RTTN: variants seen among roughly 807,000 people sequenced by gnomAD.
The protein encoded by RTTN is rotatin.
Under a neutral mutation model 269.2 loss-of-function variants are expected in RTTN, and 182 were observed. The ratio of observed to expected loss-of-function variants is 0.68; its 90% confidence interval spans 0.60 to 0.76. The LOEUF is 0.76. RTTN is among the 30% of genes least tolerant of loss of function. The probability of loss-of-function intolerance (pLI) is 0.00; values close to 1 mark genes in which losing one functional copy is unlikely to be tolerated. For missense variants in RTTN, 2,545 were observed against 2,608.6 expected (o/e 0.98, Z 0.53); for synonymous variants, 1,006 against 963.5 (o/e 1.04, Z -0.82).
intron 28 of RTTN, among the ~76,000 whole-genome samples, chr18:70,102,870 C>A (rs948524273): frequency 2.6e-5 from 4 of 152,044 alleles, no homozygotes; most frequent in Non-Finnish European, 4.4e-5. Context: ...GTTGAAAATT[C>A]TTTTCTTTAA....
chr18:70,161,385 T>C (rs2060825391), intron 14 of RTTN, among the ~76,000 whole-genome samples: 1 of 152,040 alleles, frequency 6.6e-6, no homozygotes, highest in Non-Finnish European at 1.5e-5. Context: ...CTTAAAACTA[T>C]AACAACCCTA....
At chr18:70,011,306 A>G (rs2056365385) in intron 46 of RTTN, among the ~76,000 whole-genome samples, 1 of 152,228 alleles carries the variant, frequency 6.6e-6, no homozygotes, top group Admixed American at 6.5e-5. Flanking sequence ...TTTCAGGCCA[A>G]TATCCCCGAT....
At chr18:70,075,160 C>T (rs1354713292) in intron 33 of RTTN, 192 bp downstream of exon 33, 1 of 444,078 alleles carries the variant, frequency 2.3e-6, no homozygotes, top group Non-Finnish European at 3.9e-6. Flanking sequence ...AACATAATTA[C>T]ATAAAACAAA....
intron 17 of RTTN, among the ~76,000 whole-genome samples, chr18:70,146,649 A>G (rs1026443546): frequency 3.3e-5 from 5 of 152,220 alleles, no homozygotes; most frequent in Non-Finnish European, 7.3e-5. Flanking sequence ...CCCCTGTATC[A>G]TAACTTTTAT....
In RTTN at chr18:70,086,623, T is replaced by C. The variant is rs750099754; in HGVS notation, c.4364A>G (p.Tyr1455Cys). 1.9e-6 allele frequency: 3 copies of C among 1,557,900 alleles called. No individual in the cohort carries two copies. In the Admixed American group the frequency reaches 5.7e-5, roughly 29 times the overall value. The change falls in exon 32 of 49, where the codon TAT becomes TGT. Residue 1455 changes from tyrosine to cysteine, a missense_variant. Coordinates refer to ENST00000640769, the MANE Select transcript of RTTN (RefSeq NM_173630.4). Reference protein sequence around the residue: ...IPMPTEIIKDYTWQGPCVHDE... With the variant: ...IPMPTEIIKDCTWQGPCVHDE... ...TTTAAAATCACCCACCTGCCAAGTA[T>C]AATCCTTTATAATTTCTGTAGGCAT...
intron 38 of RTTN, 101 bp from the exon 39 acceptor site, chr18:70,051,649 G>C (rs1441721081): frequency 1.2e-6 from 1 of 821,272 alleles, no homozygotes; most frequent in Non-Finnish European, 1.8e-6. Flanking sequence ...CACTTAAAAT[G>C]AGGGGTGTGC....
At chr18:70,010,542 G>C (rs768388707) in intron 46 of RTTN, among the ~76,000 whole-genome samples, 2 of 152,194 alleles carry the variant, frequency 1.3e-5, no homozygotes, top group Non-Finnish European at 2.9e-5. Context: ...AAACCAAAGA[G>C]AGCAAAGACA....
In RTTN at chr18:70,201,754, T is replaced by A. The variant is rs1419503988; in HGVS notation, c.487+140A>T. 8.3e-6 allele frequency: 5 copies of A among 604,494 alleles called. No individual in the cohort carries two copies. The African/African-American group carries it at 9.4e-5, about 11-fold the overall frequency. 37.4% of individuals were successfully genotyped at this position (604,494 alleles called of 1,614,324 possible). A position where few individuals can be genotyped will look rare whatever the true frequency, so the allele number is the denominator to read the frequency against. ...TTCTACTCGATATCCTAAACTAACTTGAAACAACTAAAACATTTAATGATA... is the reference window on the plus strand; with the variant it reads ...TTCTACTCGATATCCTAAACTAACTAGAAACAACTAAAACATTTAATGATA... On this transcript the variant is annotated intron_variant, in intron 4 of 48. Transcript: ENST00000640769.
At position 70,128,147 on chromosome 18, in the gene RTTN, C is replaced by T. The variant is rs79547006; in HGVS notation, c.3143+211G>A. On this transcript the variant is annotated intron_variant, in intron 24 of 48. Transcript: ENST00000640769. ...CTCTAAAACAGTACAGAGTAAAATGCTTTTTCATTTAAAGTTTTCCCATAT... is the reference window on the plus strand; with the variant it reads ...CTCTAAAACAGTACAGAGTAAAATGTTTTTTCATTTAAAGTTTTCCCATAT... The T allele has an allele frequency of 2.6e-3, 1,321 of 503,828 alleles. 11 individuals carry two copies. Among genetic ancestry groups the T allele is most frequent in the African/African-American group, 0.023 (1,188 of 52,102 alleles). The allele number at this position is 503,828 out of a possible 1,614,324, so 31.2% of individuals were successfully genotyped here. A position where few individuals can be genotyped will look rare whatever the true frequency, so the allele number is the denominator to read the frequency against.
At chr18:70,205,037 C>T in intron 2 of RTTN, 91 bp downstream of exon 2, 1 of 1,323,302 alleles carries the variant, frequency 7.6e-7, no homozygotes, top group South Asian at 1.4e-5. Flanking sequence ...CTTTTAACCC[C>T]AATTATTTAA....
At chr18:70,195,618 G>C (rs1466011261) in intron 7 of RTTN, among the ~76,000 whole-genome samples, 1 of 152,216 alleles carries the variant, frequency 6.6e-6, no homozygotes, top group African/African-American at 2.4e-5. Flanking sequence ...TAAGGGCTTG[G>C]ATCTTATTCG....
intron 14 of RTTN, among the ~76,000 whole-genome samples, chr18:70,165,621 T>C (rs1017793805): frequency 3.3e-5 from 5 of 152,114 alleles, no homozygotes; most frequent in African/African-American, 1.2e-4. Context: ...ATATTTAATA[T>C]TCTATGCTGA....
At chr18:70,156,949 T>A (rs114913132) in intron 14 of RTTN, among the ~76,000 whole-genome samples, 2,490 of 152,200 alleles carry the variant, frequency 0.016, 66 homozygotes, top group African/African-American at 0.055. Context: ...GTCCTGTCTG[T>A]CTCACTAGCT....
At position 70,021,815 on chromosome 18, in the gene RTTN, C is replaced by A. The variant is rs115763125; in HGVS notation, c.5951-998G>T. 1.4e-3 allele frequency among the ~76,000 whole-genome samples: 211 copies of A among 152,168 alleles called. 1 individual carries two copies. The highest frequency in any genetic ancestry group is 4.5e-3 in the African/African-American group (188 of 41,488). On this transcript the variant is annotated intron_variant, in intron 44 of 48. Coordinates refer to ENST00000640769, the MANE Select transcript of RTTN (RefSeq NM_173630.4). ...CAGATTATTCAAAGGAATAAGCCAT[C>A]ATCAGCATCTGGCAGATTATTCAAA...
At chr18:70,130,827 A>C (rs543891952) in intron 23 of RTTN, 1 of 152,144 alleles carries the variant, frequency 6.6e-6, no homozygotes, top group African/African-American at 2.4e-5. Context: ...TAAATGTTAG[A>C]GGTAATGGAC....
intron 46 of RTTN, chr18:70,007,296 A>C (rs1452857505): frequency 6.5e-6 from 1 of 153,508 alleles, no homozygotes; most frequent in African/African-American, 2.4e-5. Context: ...TGCCTACACC[A>C]CCAGGGCCCA....
chr18:70,193,804 C>G (rs1313093445), intron 7 of RTTN, among the ~76,000 whole-genome samples: 1 of 152,120 alleles, frequency 6.6e-6, no homozygotes, highest in Non-Finnish European at 1.5e-5. Flanking sequence ...AGTGGATCAA[C>G]AACCTAAATA....
intron 24 of RTTN, 162 bp downstream of exon 24, chr18:70,128,196 C>T (rs998820270): frequency 6.9e-6 from 4 of 580,366 alleles, no homozygotes; most frequent in African/African-American, 5.6e-5. Context: ...AAGTAATAAA[C>T]ACATGTAATA....
intron 40 of RTTN, among the ~76,000 whole-genome samples, chr18:70,032,735 C>T (rs2057053633): frequency 6.6e-6 from 1 of 152,180 alleles, no homozygotes; most frequent in African/African-American, 2.4e-5. Context: ...ACGTGGGAGA[C>T]TTCAACACCC....
Sources: allele counts gnomAD v4.1 joint callset (sites outside exome capture counted in the v4.1 genomes callset), GRCh38; gene constraint gnomAD v4.1.1; transcripts MANE v1.5; gene names NCBI Gene and HGNC (gene_info 2026-07-23, HGNC 2026-07-21).